The following MAF variants were observed in gnomAD, a reference collection of about 807,000 sequenced individuals.
MAF encodes transcription factor Maf.
MAF carries 10 observed loss-of-function variants against 22.0 expected under a neutral mutation model. The observed-to-expected ratio is 0.45, with a 90% CI of 0.28 to 0.77. The LOEUF is 0.77. MAF is among the 30% of genes least tolerant of loss of function. The pLI, the probability that MAF is intolerant of heterozygous loss-of-function variation, is 0.12. For missense variants in MAF, 544 were observed against 548.4 expected (o/e 0.99, Z 0.08); for synonymous variants, 337 against 255.8 (o/e 1.32, Z -3.03).
chr16:79,545,767 T>C, the MAF span, among the ~76,000 whole-genome samples: 7,059 of 152,128 alleles, frequency 0.046, 211 homozygotes, highest in South Asian at 0.095. Flanking sequence ...GGGGGAGATG[T>C]TTTTCAAAGG....
the MAF span, among the ~76,000 whole-genome samples, chr16:79,247,735 GT>G: frequency 6.6e-6 from 1 of 151,670 alleles, no homozygotes; most frequent in South Asian, 2.1e-4. Flanking sequence ...AATAAAAGTG[GT>G]TTTTTTTGGA....
At chr16:79,392,922 G>T in the MAF span, among the ~76,000 whole-genome samples, 3 of 152,176 alleles carry the variant, frequency 2.0e-5, no homozygotes, top group Admixed American at 6.5e-5. Context: ...CTGAGCAAAT[G>T]GAGACACCCC....
chr16:79,470,093 G>C, the MAF span, among the ~76,000 whole-genome samples: 1 of 152,244 alleles, frequency 6.6e-6, no homozygotes, highest in Non-Finnish European at 1.5e-5. Context: ...CATTTGTAAA[G>C]AAAGACATTT....
At chr16:79,507,140 G>A in the MAF span, among the ~76,000 whole-genome samples, 49 of 137,136 alleles carry the variant, frequency 3.6e-4, 1 homozygote, top group East Asian at 0.01. Context: ...TTGAGATGGA[G>A]TTTTACTCTC....
intron 1 of MAF, chr16:79,596,697 G>C: frequency 1.9e-6 from 2 of 1,038,790 alleles, no homozygotes; most frequent in Non-Finnish European, 2.3e-6. Flanking sequence ...TTTAAAGACA[G>C]GATGTCAGTC....
chr16:79,299,282 C>T, the MAF span, among the ~76,000 whole-genome samples: 1 of 150,204 alleles, frequency 6.7e-6, no homozygotes, highest in Non-Finnish European at 1.5e-5. Context: ...AGCTTCTGCT[C>T]TGCAAACGCA....
the MAF span, among the ~76,000 whole-genome samples, chr16:79,461,091 G>A: frequency 6.6e-6 from 1 of 152,090 alleles, no homozygotes; most frequent in Non-Finnish European, 1.5e-5. Flanking sequence ...TATAAAGTAG[G>A]CATAACAGTA....
At chr16:79,413,039 A>C in the MAF span, among the ~76,000 whole-genome samples, 1 of 152,086 alleles carries the variant, frequency 6.6e-6, no homozygotes, top group South Asian at 2.1e-4. Context: ...TAGAGAAAAA[A>C]ATATTCCTAT....
chr16:79,521,371 TGA>T, the MAF span, among the ~76,000 whole-genome samples: 1 of 152,214 alleles, frequency 6.6e-6, no homozygotes, highest in Non-Finnish European at 1.5e-5. Context: ...TATAGCACAT[TGA>T]TCTTTAAAAA....
chr16:79,476,273 T>C, the MAF span, among the ~76,000 whole-genome samples: 20 of 152,304 alleles, frequency 1.3e-4, no homozygotes, highest in Admixed American at 1.0e-3. Flanking sequence ...AGGTAAGTCA[T>C]GCCCAGGCCC....
the MAF span, among the ~76,000 whole-genome samples, chr16:79,465,968 C>A: frequency 6.6e-6 from 1 of 152,160 alleles, no homozygotes; most frequent in East Asian, 1.9e-4. Flanking sequence ...TTGGGCTTGG[C>A]AAACTTGTAT....
At chr16:79,432,936 TGA>T in the MAF span, among the ~76,000 whole-genome samples, 3 of 152,200 alleles carry the variant, frequency 2.0e-5, no homozygotes, top group Admixed American at 2.0e-4. Flanking sequence ...TCCAAAAGCC[TGA>T]GACAATAAAT....
the MAF span, among the ~76,000 whole-genome samples, chr16:79,313,592 T>A: frequency 6.6e-6 from 1 of 152,182 alleles, no homozygotes; most frequent in South Asian, 2.1e-4. Flanking sequence ...TCTTCCTTGG[T>A]GGGGCCACAA....
chr16:79,297,773 G>C, the MAF span, among the ~76,000 whole-genome samples: 1 of 152,170 alleles, frequency 6.6e-6, no homozygotes, highest in Non-Finnish European at 1.5e-5. Flanking sequence ...CGTGCCATTG[G>C]CTTCTCTATG....
chr16:79,239,606 G>C, the MAF span, among the ~76,000 whole-genome samples: 74 of 152,126 alleles, frequency 4.9e-4, no homozygotes, highest in African/African-American at 1.5e-3. Flanking sequence ...TGCCTACCTA[G>C]TCCGAACCCC....
the MAF span, among the ~76,000 whole-genome samples, chr16:79,341,219 G>T: frequency 1.3e-5 from 2 of 152,196 alleles, no homozygotes; most frequent in Non-Finnish European, 2.9e-5. Context: ...AAGAAGGAGA[G>T]ACAATGTAGT....
At chr16:79,459,709 A>G in the MAF span, among the ~76,000 whole-genome samples, 1 of 151,740 alleles carries the variant, frequency 6.6e-6, no homozygotes, top group Non-Finnish European at 1.5e-5. Flanking sequence ...ACTAGCTGGG[A>G]CTACAGGTGC....
At chr16:79,528,511 C>T in the MAF span, among the ~76,000 whole-genome samples, 8 of 152,166 alleles carry the variant, frequency 5.3e-5, no homozygotes, top group African/African-American at 1.7e-4. Flanking sequence ...TCTCTCTTTA[C>T]TGAAATCCAG....
the MAF span, among the ~76,000 whole-genome samples, chr16:79,499,808 AG>A: frequency 1.3e-5 from 2 of 152,198 alleles, no homozygotes; most frequent in African/African-American, 2.4e-5. Context: ...CAAAAGACAA[AG>A]ACACTTCCCC....
Sources: allele counts gnomAD v4.1 joint callset (sites outside exome capture counted in the v4.1 genomes callset), GRCh38; gene constraint gnomAD v4.1.1; transcripts MANE v1.5; gene names NCBI Gene and HGNC (gene_info 2026-07-23, HGNC 2026-07-21).